NRXN1: variants seen among roughly 807,000 people sequenced by gnomAD.
NRXN1 encodes the protein neurexin-1.
In NRXN1, 39 loss-of-function variants were observed where a neutral mutation model predicts 150.9. The ratio of observed to expected loss-of-function variants is 0.26; its 90% CI spans 0.20 to 0.34. The LOEUF is 0.34. Ranked by LOEUF, NRXN1 falls within the 10% of genes least tolerant of loss-of-function variation. NRXN1 has a pLI of 1.00. For missense variants in NRXN1, 1,815 were observed against 1,949.9 expected (o/e 0.93, Z 1.30); for synonymous variants, 924 against 757.0 (o/e 1.22, Z -3.62).
At chr2:50,529,837 G>C (rs2093052047) in intron 11 of NRXN1, among the ~76,000 whole-genome samples, 1 of 152,150 alleles carries the variant, frequency 6.6e-6, no homozygotes, top group South Asian at 2.1e-4. Context: ...AACAGTAAAG[G>C]AGAGTGCTCT....
intron 21 of NRXN1, among the ~76,000 whole-genome samples, chr2:50,015,425 G>A (rs969019426): frequency 1.3e-5 from 2 of 150,138 alleles, no homozygotes; most frequent in African/African-American, 2.5e-5. Flanking sequence ...GACTGTGGCT[G>A]GAGTAGGGAG....
At chr2:50,833,177 T>C (rs1281878005) in intron 5 of NRXN1, among the ~76,000 whole-genome samples, 1 of 152,154 alleles carries the variant, frequency 6.6e-6, no homozygotes, top group East Asian at 1.9e-4. Flanking sequence ...ACACTGATAG[T>C]ACCAAGTCCC....
At position 50,950,559 on chromosome 2, in the gene NRXN1, C is replaced by T. The variant is rs191966595; in HGVS notation, c.773-24604G>A. On this transcript the variant is annotated intron_variant, in intron 2 of 22. Transcript: ENST00000401669. ...CTTTGTTGCTATTAACATTTTGTATCGGATAAGTCTTTCTTGGAAGGGACT... is the reference window on the plus strand; with the variant it reads ...CTTTGTTGCTATTAACATTTTGTATTGGATAAGTCTTTCTTGGAAGGGACT... Among the ~76,000 whole-genome samples, 144 of 152,228 alleles carry T rather than the reference C, an allele frequency of 9.5e-4. 2 individuals carry two copies. Among genetic ancestry groups the T allele is most frequent in the African/African-American group, 3.3e-3 (137 of 41,550 alleles).
At chr2:50,200,183 A>T (rs1008613504) in intron 18 of NRXN1, among the ~76,000 whole-genome samples, 3 of 152,200 alleles carry the variant, frequency 2.0e-5, no homozygotes, top group African/African-American at 7.2e-5. Flanking sequence ...TTGAAGCTTT[A>T]TGTATTACAT....
chr2:50,307,824 G>GT (rs1344670369), intron 17 of NRXN1, among the ~76,000 whole-genome samples: 5 of 152,136 alleles, frequency 3.3e-5, no homozygotes, highest in Non-Finnish European at 7.4e-5. Context: ...CTCTGGAATA[G>GT]TTGTATGAAC....
intron 17 of NRXN1, among the ~76,000 whole-genome samples, chr2:50,354,550 C>CATATATATAT (rs1420237558): frequency 7.5e-5 from 5 of 66,274 alleles, no homozygotes; most frequent in East Asian, 5.6e-4. Context: ...GTCTAGAGTG[C>CATATATATAT]ATACATATAT....
intron 2 of NRXN1, among the ~76,000 whole-genome samples, chr2:50,975,508 C>T (rs1695678441): frequency 6.6e-6 from 1 of 152,106 alleles, no homozygotes; most frequent in South Asian, 2.1e-4. Context: ...CTATTTCCTA[C>T]TATTCTCTGC....
intron 5 of NRXN1, among the ~76,000 whole-genome samples, chr2:50,818,795 T>C (rs1377409127): frequency 6.6e-6 from 1 of 151,966 alleles, no homozygotes; most frequent in African/African-American, 2.4e-5. Flanking sequence ...AACCAAAATA[T>C]ATAAAAAACT....
intron 22 of NRXN1, among the ~76,000 whole-genome samples, chr2:49,938,986 G>C (rs1047524216): frequency 6.6e-6 from 1 of 152,012 alleles, no homozygotes; most frequent in African/African-American, 2.4e-5. Context: ...TTTACTAAGT[G>C]GATCTAAAAT....
At chr2:50,752,346 A>G (rs957916192) in intron 5 of NRXN1, among the ~76,000 whole-genome samples, 2 of 151,968 alleles carry the variant, frequency 1.3e-5, no homozygotes, top group African/African-American at 4.8e-5. Flanking sequence ...AAAACTGTAA[A>G]TGATTTGGTT....
intron 21 of NRXN1, among the ~76,000 whole-genome samples, chr2:49,957,661 G>A (rs971307492): frequency 1.3e-5 from 2 of 152,130 alleles, no homozygotes; most frequent in Non-Finnish European, 2.9e-5. Flanking sequence ...CTAGCTACAC[G>A]ATGTAATCAA....
intron 17 of NRXN1, among the ~76,000 whole-genome samples, chr2:50,371,985 T>C (rs1313453526): frequency 6.6e-6 from 1 of 152,042 alleles, no homozygotes; most frequent in Admixed American, 6.6e-5. Context: ...AATCATATTA[T>C]TTCTTTCCTA....
intron 21 of NRXN1, among the ~76,000 whole-genome samples, chr2:50,045,216 T>C (rs546700265): frequency 6.6e-6 from 1 of 152,296 alleles, no homozygotes; most frequent in East Asian, 1.9e-4. Flanking sequence ...TGATAAAACA[T>C]GTAAGAAATT....
chr2:50,441,077 G>T (rs926140292), intron 17 of NRXN1, among the ~76,000 whole-genome samples: 6 of 152,098 alleles, frequency 3.9e-5, no homozygotes, highest in Non-Finnish European at 7.4e-5. Flanking sequence ...ACTTCTGATT[G>T]TTCTGTATTT....
intron 18 of NRXN1, among the ~76,000 whole-genome samples, chr2:50,136,547 C>G (rs1186817722): frequency 6.6e-6 from 1 of 152,148 alleles, no homozygotes; most frequent in African/African-American, 2.4e-5. Flanking sequence ...ATGCACCATA[C>G]TCTAACAGAT....
intron 13 of NRXN1, among the ~76,000 whole-genome samples, chr2:50,501,400 AGTGTGT>A (rs368765670): frequency 4.7e-5 from 7 of 148,178 alleles, no homozygotes; most frequent in Admixed American, 1.4e-4. Flanking sequence ...TGTGTGTGTG[AGTGTGT>A]GTGTGTGTGT....
rs1677968906 is a variant in NRXN1, at chr2:50,610,754, T to TA, written c.1320+9267_1320+9268insT. 2.3e-5 allele frequency among the ~76,000 whole-genome samples: 3 copies of TA among 127,948 alleles called. No individual in the cohort carries two copies. In the East Asian group the frequency reaches 6.8e-4, roughly 29 times the overall value. 83.9% of individuals were successfully genotyped at this position (127,948 alleles called of 152,430 possible). On this transcript the variant is annotated intron_variant, in intron 8 of 22. Coordinates refer to ENST00000401669, the MANE Select transcript of NRXN1 (RefSeq NM_001330078.2). ...ACTAGAACATAGCTTGTAATTATATTTATATATATATATATATGTATATAT... is the reference window on the plus strand; with the variant it reads ...ACTAGAACATAGCTTGTAATTATATTATATATATATATATATATGTATATAT...
chr2:50,091,635 T>C, intron 18 of NRXN1, 141 bp from the exon 19 acceptor site: 2 of 814,404 alleles, frequency 2.5e-6, no homozygotes, highest in Admixed American at 2.0e-5. Context: ...AAACTACATG[T>C]AGTAGAAGCA....
rs556059330 is a variant in NRXN1, at chr2:50,502,245, A to G, written c.2497+4250T>C. Among the ~76,000 whole-genome samples the G allele has an allele frequency of 7.0e-5, 10 of 142,814 alleles. No homozygotes were observed. The East Asian group carries it at 9.8e-4, about 14-fold the overall frequency. 93.7% of individuals were successfully genotyped at this position (142,814 alleles called of 152,430 possible). On this transcript the variant is annotated intron_variant, in intron 13 of 22. Transcript: ENST00000401669. Reference sequence around the variant, plus strand: ...AAAGAAGGAAGGAAGGAAGGAAGGAAGGAGGGAAAAAATAAACAATTTACC... The same window carrying G: ...AAAGAAGGAAGGAAGGAAGGAAGGAGGGAGGGAAAAAATAAACAATTTACC...
Sources: allele counts gnomAD v4.1 joint callset (sites outside exome capture counted in the v4.1 genomes callset), GRCh38; gene constraint gnomAD v4.1.1; transcripts MANE v1.5; gene names NCBI Gene and HGNC (gene_info 2026-07-23, HGNC 2026-07-21).